Variants in APBA2 observed in about 807,000 individuals in gnomAD.
The protein encoded by APBA2 is amyloid-beta A4 precursor protein-binding family A member 2.
APBA2 carries 30 observed loss-of-function variants against 75.0 expected under a neutral mutation model. That is an observed-to-expected ratio of 0.40 (90% confidence interval 0.30 to 0.54). APBA2 has a LOEUF of 0.54. APBA2 is among the 20% of genes least tolerant of loss of function. APBA2 has a pLI of 0.49. For synonymous variants in APBA2, 444 were observed against 409.6 expected, an observed-to-expected ratio of 1.08 and a Z score of -1.01; for missense variants, 801 against 1,016.1, an observed-to-expected ratio of 0.79 and a Z score of 2.88.
chr15:29,105,385 C>T lies in APBA2; in HGVS notation c.1531C>T (p.Leu511Phe). The T allele has an allele frequency of 6.2e-7, 1 of 1,611,210 alleles. No individual in the cohort carries two copies. Reference protein sequence around the residue: ...CHVFESEDAQLIAQSIGQAFS... With the variant: ...CHVFESEDAQFIAQSIGQAFS... ...TGGCCTGCCCTCTGCACAGGCCCAGCTCATCGCCCAGTCTATCGGCCAGGC... is the reference window on the plus strand; with the variant it reads ...TGGCCTGCCCTCTGCACAGGCCCAGTTCATCGCCCAGTCTATCGGCCAGGC... The change falls in exon 11 of 15, where the codon CTC becomes TTC. Residue 511 changes from leucine (L) to phenylalanine (F), a missense_variant. Around this residue, in one of 2 missense-constraint regions of APBA2, gnomAD observed 367 missense variants for 544.5 expected, o/e 0.67. Transcript: ENST00000683413.
rs1489600435 is a variant in APBA2 at position 29,105,578 on chromosome 15, C to T, written c.1704+20C>T. 4 of 1,612,380 alleles carry T rather than the reference C, an allele frequency of 2.5e-6. No homozygotes were observed. The African/African-American group carries it at 5.3e-5, about 22-fold the overall frequency. The stretch of plus-strand genomic sequence containing the variant: ...AAGGAGGTAAGCCACACCCACCAGC[C>T]TCAGGGAGGCCACATTTGCCAGCTT... On this transcript the variant is annotated intron_variant, in intron 11 of 14. Transcript: ENST00000683413.
rs144719601 is a variant in APBA2 at position 28,994,102 on chromosome 15, C to T, written c.-94-1651C>T. On this transcript the variant is annotated intron_variant, in intron 2 of 14. Coordinates refer to ENST00000683413, the MANE Select transcript of APBA2 (RefSeq NM_001353788.2). ...CAGAAATTACTTATTTTTGGAGGAC[C>T]GCAGATGGCGAGCTTAGGAGTGAAG... 1.4e-3 allele frequency among the ~76,000 whole-genome samples: 211 copies of T among 152,244 alleles called. 1 individual carries two copies. The highest frequency in any genetic ancestry group is 4.7e-3 in the African/African-American group (197 of 41,546).
At chr15:28,992,038 G>A (rs4624139) in intron 2 of APBA2, among the ~76,000 whole-genome samples, 10,513 of 152,222 alleles carry the variant, frequency 0.069, 570 homozygotes, top group East Asian at 0.27. Flanking sequence ...GTGATGTTGT[G>A]AGTGTTGCCT....
At chr15:29,032,160 A>G (rs944956204) in intron 3 of APBA2, among the ~76,000 whole-genome samples, 2 of 152,260 alleles carry the variant, frequency 1.3e-5, no homozygotes, top group African/African-American at 4.8e-5. Context: ...AAAGAGGCAG[A>G]GTCATTCCTG....
intron 4 of APBA2, among the ~76,000 whole-genome samples, chr15:29,070,482 G>A (rs944821774): frequency 6.6e-6 from 1 of 152,170 alleles, no homozygotes; most frequent in Non-Finnish European, 1.5e-5. Flanking sequence ...GAAAAGATAT[G>A]ATCTCCCCCA....
chr15:28,983,699 T>C (rs1055069743), intron 2 of APBA2, among the ~76,000 whole-genome samples: 9 of 152,208 alleles, frequency 5.9e-5, no homozygotes, highest in African/African-American at 2.2e-4. Flanking sequence ...AGACCTGGCC[T>C]GGGGTCAGCT....
chr15:29,075,120 G>A (rs2042794106), intron 5 of APBA2, 119 bp downstream of exon 5: 1 of 827,704 alleles, frequency 1.2e-6, no homozygotes, highest in Admixed American at 2.0e-5. Flanking sequence ...CGGTGCCTGG[G>A]GGAGAGGGAG....
intron 1 of APBA2, among the ~76,000 whole-genome samples, chr15:28,911,952 T>C (rs937835723): frequency 6.6e-6 from 1 of 152,238 alleles, no homozygotes; most frequent in African/African-American, 2.4e-5. Context: ...TTGGAACATA[T>C]TGTTTTAAAA....
chr15:29,061,958 G>A (rs568614477), intron 4 of APBA2, among the ~76,000 whole-genome samples: 280 of 152,338 alleles, frequency 1.8e-3, no homozygotes, highest in African/African-American at 6.5e-3. Context: ...TGCAGATGGG[G>A]TGGTCCTGCA....
chr15:28,907,581 AG>A (rs1174102280), intron 1 of APBA2, among the ~76,000 whole-genome samples: 5 of 152,084 alleles, frequency 3.3e-5, no homozygotes, highest in Admixed American at 6.5e-5. Context: ...GGGAGCCCCC[AG>A]CGGGATGGTC....
At chr15:28,977,376 C>T (rs1446293800) in intron 2 of APBA2, 14 of 152,204 alleles carry the variant, frequency 9.2e-5, no homozygotes, top group Non-Finnish European at 1.5e-4. Context: ...AGGCTTCAAC[C>T]TCTGAATTTG....
chr15:28,935,056 T>A (rs1566814367), intron 2 of APBA2, among the ~76,000 whole-genome samples: 2 of 151,596 alleles, frequency 1.3e-5, no homozygotes, highest in African/African-American at 2.4e-5. Flanking sequence ...AGTGTAGCCT[T>A]GTTGTTGTAA....
intron 2 of APBA2, among the ~76,000 whole-genome samples, chr15:28,949,174 A>G (rs148473242): frequency 0.011 from 1,678 of 152,034 alleles, 26 homozygotes; most frequent in Non-Finnish European, 0.012. Context: ...CGTTGTTTGC[A>G]TTGCTGTGAT....
intron 6 of APBA2, among the ~76,000 whole-genome samples, chr15:29,087,593 G>A (rs879751336): frequency 6.6e-6 from 1 of 152,184 alleles, no homozygotes; most frequent in East Asian, 1.9e-4. Flanking sequence ...ATATTATAGG[G>A]TCACCTTCAG....
At chr15:28,966,414 C>T (rs7495285) in intron 2 of APBA2, among the ~76,000 whole-genome samples, 148,309 of 152,288 alleles carry the variant, frequency 0.97, 72,229 homozygotes, top group East Asian at 1. Context: ...TCTTGGTAGG[C>T]TGGGCATTTT....
intron 6 of APBA2, among the ~76,000 whole-genome samples, chr15:29,087,685 C>G (rs1301686770): frequency 6.6e-6 from 1 of 152,210 alleles, no homozygotes; most frequent in Admixed American, 6.5e-5. Flanking sequence ...AGCAGAAGGT[C>G]TCACTTGAGA....
In APBA2 at chr15:28,933,786, C is replaced by T. The variant is rs1449716917; in HGVS notation, c.-95+12037C>T. Among the ~76,000 whole-genome samples the T allele has an allele frequency of 2.0e-5, 3 of 152,228 alleles. No homozygotes were observed. The East Asian group carries it at 5.8e-4, about 29-fold the overall frequency. On this transcript the variant is annotated intron_variant, in intron 2 of 14. Coordinates refer to ENST00000683413, the MANE Select transcript of APBA2 (RefSeq NM_001353788.2). ...CCCCTCTGCCTTGTGCCAGGCCCAG[C>T]AGGGACTGAGGGTAGAATAATGACA...
chr15:29,031,906 T>C (rs1462333197), intron 3 of APBA2, among the ~76,000 whole-genome samples: 1 of 152,034 alleles, frequency 6.6e-6, no homozygotes, highest in South Asian at 2.1e-4. Flanking sequence ...CCCAAGAAAG[T>C]TGAGGGTGAA....
chr15:29,033,121 A>G (rs1435458012), intron 3 of APBA2, among the ~76,000 whole-genome samples: 1 of 152,204 alleles, frequency 6.6e-6, no homozygotes, highest in Non-Finnish European at 1.5e-5. Flanking sequence ...GAATTGGCAT[A>G]CCAGCCAGAT....
Sources: allele counts gnomAD v4.1 joint callset (sites outside exome capture counted in the v4.1 genomes callset), GRCh38; gene constraint gnomAD v4.1.1; regional missense constraint gnomAD v4.1.1; transcripts MANE v1.5; gene names NCBI Gene and HGNC (gene_info 2026-07-23, HGNC 2026-07-21).